The following SNRPN variants were observed in gnomAD, a reference collection of about 807,000 sequenced individuals.
The protein encoded by SNRPN is small nuclear ribonucleoprotein-associated protein N.
SNRPN carries 7 observed loss-of-function variants against 25.2 expected under a neutral mutation model. The ratio of observed to expected loss-of-function variants is 0.28; its 90% CI spans 0.16 to 0.52. The LOEUF (loss-of-function observed/expected upper bound fraction) is 0.52. SNRPN is among the 20% of genes least tolerant of loss of function. The pLI is 0.96. For missense variants in SNRPN, 196 were observed against 322.5 expected (o/e 0.61, Z 3.00); for synonymous variants, 124 against 110.6 (o/e 1.12, Z -0.76).
At chr15:24,882,823 CA>C (rs10543501) in intron 1 of SNRPN, among the ~76,000 whole-genome samples, 14,525 of 127,080 alleles carry the variant, frequency 0.11, 1,715 homozygotes, top group African/African-American at 0.15. Flanking sequence ...GACTCCATCT[CA>C]AAAAAAAAAA....
chr15:24,877,884 A>C (rs1284940048), intron 1 of SNRPN, among the ~76,000 whole-genome samples: 4 of 152,214 alleles, frequency 2.6e-5, no homozygotes, highest in African/African-American at 7.2e-5. Context: ...CAGCAACGAT[A>C]CAGGGAAGCC....
chr15:24,903,629 C>T (rs773643543), intron 2 of SNRPN, among the ~76,000 whole-genome samples: 9 of 151,896 alleles, frequency 5.9e-5, no homozygotes, highest in South Asian at 2.1e-4. Flanking sequence ...TGGAACCATC[C>T]GGTATCAAGA....
intron 1 of SNRPN, among the ~76,000 whole-genome samples, chr15:24,859,096 C>T (rs996294236): frequency 6.6e-6 from 1 of 152,084 alleles, no homozygotes; most frequent in Non-Finnish European, 1.5e-5. Flanking sequence ...TCAGACTGTG[C>T]GACCTGACCT....
chr15:24,893,258 T>A (rs1407008949), intron 2 of SNRPN, among the ~76,000 whole-genome samples: 1 of 150,174 alleles, frequency 6.7e-6, no homozygotes, highest in African/African-American at 2.5e-5. Context: ...GAAAAGAAAG[T>A]TTTTCCTATA....
chr15:24,951,297 G>A (rs1011313234), upstream of SNRPN, among the ~76,000 whole-genome samples: 2 of 152,154 alleles, frequency 1.3e-5, no homozygotes, highest in African/African-American at 2.4e-5. Context: ...CAGTGTTAGA[G>A]GGTTCCAATT....
intron 1 of SNRPN, among the ~76,000 whole-genome samples, chr15:24,956,354 C>CGTGG (rs1555404318): frequency 1.4e-5 from 2 of 138,158 alleles, no homozygotes; most frequent in Non-Finnish European, 3.1e-5. Context: ...AGCGCTTCAG[C>CGTGG]GGGGGGGTGG....
At chr15:24,848,246 C>CGGGGGCGGG (rs1555379843) in intron 2 of SNRPN, 23 of 37,186 alleles carry the variant, frequency 6.2e-4, no homozygotes, top group East Asian at 2.8e-3. Flanking sequence ...GCGGGGGCGG[C>CGGGGGCGGG]GGCGGGGGCG....
intron 3 of SNRPN, among the ~76,000 whole-genome samples, chr15:24,943,502 T>C (rs1219986685): frequency 6.6e-6 from 1 of 152,136 alleles, no homozygotes; most frequent in Non-Finnish European, 1.5e-5. Context: ...TGTGACTTAG[T>C]TGTGTCTTCA....
chr15:24,944,097 C>T (rs997385599), intron 3 of SNRPN, among the ~76,000 whole-genome samples: 2 of 152,238 alleles, frequency 1.3e-5, no homozygotes, highest in Non-Finnish European at 2.9e-5. Context: ...GCTGGGATTA[C>T]AGGCATGAGC....
At chr15:24,867,047 A>G (rs1196369920) in intron 1 of SNRPN, among the ~76,000 whole-genome samples, 3 of 152,172 alleles carry the variant, frequency 2.0e-5, no homozygotes, top group African/African-American at 7.2e-5. Flanking sequence ...TCCTGTTTTA[A>G]CAATTTCTGC....
intron 1 of SNRPN, among the ~76,000 whole-genome samples, chr15:24,877,017 C>T (rs2055966460): frequency 6.6e-6 from 1 of 152,014 alleles, no homozygotes; most frequent in South Asian, 2.1e-4. Context: ...CACTTAGGAA[C>T]ACAGCTGTTG....
chr15:24,956,943 GTTT>G (rs2063023222), intron 1 of SNRPN, among the ~76,000 whole-genome samples: 1 of 152,226 alleles, frequency 6.6e-6, no homozygotes, highest in South Asian at 2.1e-4. Context: ...CTGCTGTGCT[GTTT>G]CAGCAAGCCT....
At chr15:24,881,584 GGAGAGAGAGA>G (rs1157961647) in intron 1 of SNRPN, among the ~76,000 whole-genome samples, 144 of 57,550 alleles carry the variant, frequency 2.5e-3, no homozygotes, top group Admixed American at 0.018. Flanking sequence ...AGGGAGGGAG[GGAGAGAGAGA>G]GAGAGAGAGA....
chr15:24,904,968 C>G (rs1234697974), intron 2 of SNRPN, among the ~76,000 whole-genome samples: 1 of 139,408 alleles, frequency 7.2e-6, no homozygotes, highest in Non-Finnish European at 1.5e-5. Flanking sequence ...AAAAAATTAG[C>G]TGGGCGTGGT....
chr15:24,882,832 A>AT (rs1566866597), intron 1 of SNRPN, among the ~76,000 whole-genome samples: 4 of 133,876 alleles, frequency 3.0e-5, no homozygotes, highest in South Asian at 2.5e-4. Context: ...TCAAAAAAAA[A>AT]AATATATATA....
chr15:24,831,753 A>G (rs905024781), intron 2 of SNRPN, among the ~76,000 whole-genome samples: 1 of 152,014 alleles, frequency 6.6e-6, no homozygotes, highest in Non-Finnish European at 1.5e-5. Context: ...GGCATATTTC[A>G]TTTAACATAT....
In SNRPN at chr15:24,977,019, C is replaced by T. The variant is rs1335946125; in HGVS notation, c.410C>T (p.Pro137Leu). ...GGCCCTGTCCGAGGAGTTGGGGGAC[C>T]ATCCCAGCAGGTGAGGAACCAGCAG... ...LAGPVRGVGG[P>L]SQQVMTPQGR... The change falls in exon 7 of 10, where the codon CCA (proline) becomes CTA (leucine). Residue 137 changes from proline to leucine, a missense_variant. By Grantham distance (98) the Pro-to-Leu change is moderately conservative. Transcript: ENST00000390687. 1 of 1,573,530 alleles carries T rather than the reference C, an allele frequency of 6.4e-7. No individual in the cohort carries two copies. Among genetic ancestry groups the T allele is most frequent in the Non-Finnish European group, 8.6e-7 (1 of 1,162,442 alleles).
chr15:24,939,232 A>G (rs952116166), intron 3 of SNRPN, among the ~76,000 whole-genome samples: 3 of 152,140 alleles, frequency 2.0e-5, no homozygotes, highest in African/African-American at 7.2e-5. Context: ...GGTCTTCACC[A>G]TGACTTACGT....
chr15:24,859,928 G>A (rs894450816), intron 1 of SNRPN, among the ~76,000 whole-genome samples: 3 of 152,172 alleles, frequency 2.0e-5, no homozygotes, highest in African/African-American at 7.2e-5. Context: ...CACCATCATG[G>A]TTTTGGTGGA....
Sources: allele counts gnomAD v4.1 joint callset (sites outside exome capture counted in the v4.1 genomes callset), GRCh38; gene constraint gnomAD v4.1.1; transcripts MANE v1.5; gene names NCBI Gene and HGNC (gene_info 2026-07-23, HGNC 2026-07-21).